The following ABCA1 variants were observed in gnomAD, a reference collection of about 807,000 sequenced individuals.
The protein encoded by ABCA1 is phospholipid-transporting ATPase ABCA1.
In ABCA1, 133 loss-of-function variants were observed where a neutral mutation model predicts 262.5. The ratio of observed to expected loss-of-function variants is 0.51; its 90% CI spans 0.44 to 0.59. The LOEUF (loss-of-function observed/expected upper bound fraction) is 0.59, where lower values mean the gene tolerates loss of function less well. Ranked by LOEUF, ABCA1 falls within the 20% of genes least tolerant of loss-of-function variation. ABCA1 has a pLI of 0.00. For synonymous variants in ABCA1, 1,022 were observed against 1,043.5 expected, an observed-to-expected ratio of 0.98 and a Z score of 0.40; for missense variants, 2,452 against 2,777.5, an observed-to-expected ratio of 0.88 and a Z score of 2.63.
At chr9:104,798,091 C>G (rs1482618732) in intron 37 of ABCA1, among the ~76,000 whole-genome samples, 1 of 152,162 alleles carries the variant, frequency 6.6e-6, no homozygotes, top group Admixed American at 6.5e-5. Flanking sequence ...GAGGTTAAAA[C>G]CCATCAGAGA....
rs1230573600 is a variant in ABCA1 at position 104,786,961 on chromosome 9, C to T, written c.6220G>A (p.Gly2074Ser). The change falls in exon 47 of 50, where the codon GGC becomes AGC. Residue 2074 changes from glycine (G) to serine (S), a missense_variant. Physicochemically the swap from Gly to Ser is moderately conservative, Grantham distance 56. This residue lies in a region of ABCA1 where 752 missense variants were observed against 944.5 expected (regional missense o/e 0.80). Coordinates refer to ENST00000374736, the MANE Select transcript of ABCA1 (RefSeq NM_005502.4). ...AACCGCCGGGCTTTGGGATCCATGC[C>T]TGTGGTGGGTTCATCCTGTAATTAG... ...PVVFLDEPTTGMDPKARRFLW... is the reference protein window; with the variant it reads ...PVVFLDEPTTSMDPKARRFLW... 1 of 1,613,850 alleles carries T rather than the reference C, an allele frequency of 6.2e-7. No homozygotes were observed. Among genetic ancestry groups the T allele is most frequent in the Admixed American group, 1.7e-5 (1 of 59,982 alleles).
intron 1 of ABCA1, among the ~76,000 whole-genome samples, chr9:104,920,581 G>A (rs1431346318): frequency 2.6e-5 from 4 of 152,040 alleles, no homozygotes; most frequent in Admixed American, 1.3e-4. Context: ...GCACCATCTC[G>A]GCTCACTGCA....
intron 5 of ABCA1, among the ~76,000 whole-genome samples, chr9:104,875,030 C>A (rs1588474485): frequency 6.6e-6 from 1 of 151,696 alleles, no homozygotes; most frequent in East Asian, 1.9e-4. Context: ...ATGACAATGG[C>A]AGTTTTGTCG....
At chr9:104,863,389 C>A (rs1376139844) in intron 5 of ABCA1, among the ~76,000 whole-genome samples, 1 of 152,188 alleles carries the variant, frequency 6.6e-6, no homozygotes, top group African/African-American at 2.4e-5. Context: ...ATGAACTGAG[C>A]CCACATGGCC....
chr9:104,887,070 G>A (rs1407950275), intron 3 of ABCA1, among the ~76,000 whole-genome samples: 1 of 152,244 alleles, frequency 6.6e-6, no homozygotes, highest in African/African-American at 2.4e-5. Context: ...CTGAGGCCAG[G>A]AGTTCGAGAC....
In ABCA1 at chr9:104,817,261, CCTCTGCCTCCA is replaced by C; in HGVS notation, c.3535+60_3535+70del. The C allele has an allele frequency of 1.2e-6, 2 of 1,612,950 alleles. No homozygotes were observed. The highest frequency in any genetic ancestry group is 2.2e-5 in the South Asian group (2 of 90,982). ...CGCCACCAGCCTCTGCACCTCTCCT[CCTCTGCCTCCA>C]CTCTGCCCAGCTGGGGGAAGCTCAG... On this transcript the variant is annotated intron_variant, in intron 24 of 49. Coordinates refer to ENST00000374736, the MANE Select transcript of ABCA1 (RefSeq NM_005502.4). This position sits in a 1 kb window ranked among gnomAD's most constrained non-coding sequence, Gnocchi z 4.7.
chr9:104,896,483 AG>A (rs1167557949), intron 2 of ABCA1, among the ~76,000 whole-genome samples: 1 of 152,146 alleles, frequency 6.6e-6, no homozygotes, highest in Non-Finnish European at 1.5e-5. Context: ...AAATAGCGAT[AG>A]GGTACTTTTT....
At chr9:104,797,886 A>G (rs746060262) in intron 37 of ABCA1, among the ~76,000 whole-genome samples, 2 of 152,228 alleles carry the variant, frequency 1.3e-5, no homozygotes, top group Admixed American at 6.5e-5. Context: ...TCAGGGAGAT[A>G]TTGTAAAGTA....
At chr9:104,894,270 T>C (rs1452876445) in intron 2 of ABCA1, among the ~76,000 whole-genome samples, 1 of 152,108 alleles carries the variant, frequency 6.6e-6, no homozygotes, top group African/African-American at 2.4e-5. Context: ...AGCCCCCATA[T>C]CTAGGATCCT....
intron 41 of ABCA1, 64 bp downstream of exon 41, chr9:104,793,107 T>A (rs766858905): frequency 2.5e-6 from 4 of 1,607,960 alleles, no homozygotes; most frequent in Non-Finnish European, 3.4e-6. Flanking sequence ...TGGTGAGTGT[T>A]TCCCTGTGCG....
At chr9:104,837,917 C>T (rs934094995) in intron 9 of ABCA1, among the ~76,000 whole-genome samples, 2 of 152,126 alleles carry the variant, frequency 1.3e-5, no homozygotes, top group Admixed American at 1.3e-4. Flanking sequence ...TCCAGATTCA[C>T]ACTCTCATGC....
At chr9:104,918,029 A>C (rs775151411) in intron 1 of ABCA1, among the ~76,000 whole-genome samples, 2 of 152,220 alleles carry the variant, frequency 1.3e-5, no homozygotes, top group Admixed American at 6.5e-5. Flanking sequence ...CAAAAATTTG[A>C]GTCAACTTGA....
intron 1 of ABCA1, among the ~76,000 whole-genome samples, chr9:104,926,016 TA>T (rs71364036): frequency 7.4e-5 from 11 of 148,616 alleles, no homozygotes; most frequent in Non-Finnish European, 6.0e-5. Context: ...CTACGGCCGT[TA>T]AAAAAAAAAG....
In ABCA1 at chr9:104,806,390, C is replaced by T; in HGVS notation, c.4315G>A (p.Ala1439Thr). 1 of 1,614,142 alleles carries T rather than the reference C, an allele frequency of 6.2e-7. No homozygotes were observed. Among genetic ancestry groups the T allele is most frequent in the Non-Finnish European group, 8.5e-7 (1 of 1,180,048 alleles). Reference sequence around the variant, plus strand: ...TCCATGATGGTCTGGGGAACTGGGGCAGTGGTCCACTCTTCCTCCCCTGCC... The same window carrying T: ...TCCATGATGGTCTGGGGAACTGGGGTAGTGGTCCACTCTTCCTCCCCTGCC... Reference protein sequence around the residue: ...CQAGEEEWTTAPVPQTIMDLF... With the variant: ...CQAGEEEWTTTPVPQTIMDLF... The change falls in exon 31 of 50, where the codon GCC becomes ACC. Residue 1439 changes from alanine (A) to threonine (T), a missense_variant. Coordinates refer to ENST00000374736, the MANE Select transcript of ABCA1 (RefSeq NM_005502.4).
chr9:104,818,146 A>G (rs2472371), intron 23 of ABCA1, among the ~76,000 whole-genome samples: 4,207 of 148,940 alleles, frequency 0.028, 82 homozygotes, highest in African/African-American at 0.051. Context: ...GTCTCTCTGC[A>G]CTTTAATTGA....
rs776200971 is a variant in ABCA1 at position 104,802,116 on chromosome 9, G to T, written c.4636C>A (p.Pro1546Thr). The change falls in exon 34 of 50, where the codon CCT becomes ACT. Residue 1546 changes from proline to threonine, a missense_variant. Physicochemically the swap from Pro to Thr is conservative, Grantham distance 38. Around this residue, in one of 4 missense-constraint regions of ABCA1, gnomAD observed 752 missense variants for 944.5 expected, o/e 0.80. Transcript: ENST00000374736. ...SLGVSNTQAL[P>T]PSQEVNDAIK... ...GCATCATTAACTTCTTGACTCGGAG[G>T]AAGTGCTTGAGTATTACTGACACCC... The T allele has an allele frequency of 6.2e-7, 1 of 1,614,138 alleles. No individual in the cohort carries two copies. Among genetic ancestry groups the T allele is most frequent in the Non-Finnish European group, 8.5e-7 (1 of 1,180,030 alleles).
Position 104,812,652 on chromosome 9 carries a change from A to C in ABCA1, c.3972T>G (p.Leu1324=). ...KGSYQVKGWK[L]TQQQFVALLW... ...AAAGGGCCACAAACTGTTGCTGTGT[A>C]AGTTTCCAGCCTTTCACCTGGTAGG... is the stretch of plus-strand genomic sequence containing the variant. Residue 1324 remains leucine, a synonymous_variant, in exon 28 of 50, where the codon CTT becomes CTG. Coordinates refer to ENST00000374736, the MANE Select transcript of ABCA1 (RefSeq NM_005502.4). The C allele has an allele frequency of 1.9e-6, 3 of 1,614,210 alleles. No homozygotes were observed. Among genetic ancestry groups the C allele is most frequent in the Non-Finnish European group, 2.5e-6 (3 of 1,180,030 alleles).
intron 1 of ABCA1, among the ~76,000 whole-genome samples, chr9:104,923,783 T>C (rs1372538335): frequency 6.6e-6 from 1 of 152,208 alleles, no homozygotes; most frequent in East Asian, 1.9e-4. Context: ...CTTATGCCTG[T>C]AATCCCAGCA....
At chr9:104,812,428 G>A (rs1831358385) in intron 28 of ABCA1, 146 bp downstream of exon 28, 1 of 1,055,350 alleles carries the variant, frequency 9.5e-7, no homozygotes, top group African/African-American at 1.6e-5. Context: ...TACACAACTG[G>A]CAAGGAATAG....
Sources: gnomAD v4.1 joint callset for allele counts (sites outside exome capture counted in the v4.1 genomes callset) on GRCh38, gnomAD v4.1.1 for gene constraint, gnomAD v4.1.1 regional missense constraint, Gnocchi (gnomAD v3.1) non-coding constraint, MANE v1.5 for transcripts, NCBI Gene and HGNC (gene_info 2026-07-23, HGNC 2026-07-21) for gene names.